Variants in FRMPD3 observed in about 807,000 individuals in gnomAD.
The protein encoded by FRMPD3 is FERM and PDZ domain containing 3.
A neutral mutation model predicts 97.9 loss-of-function variants in FRMPD3; 42 were observed. The observed-to-expected ratio is 0.43, with a 90% CI of 0.34 to 0.55. FRMPD3 has a LOEUF of 0.55. Ranked by LOEUF, FRMPD3 falls within the 20% of genes least tolerant of loss-of-function variation. The pLI, the probability that FRMPD3 is intolerant of heterozygous loss-of-function variation, is 0.03. For missense variants in FRMPD3, 1,303 were observed against 1,457.7 expected (o/e 0.89, Z 1.73); for synonymous variants, 577 against 581.1 (o/e 0.99, Z 0.10).
intron 1 of FRMPD3, among the ~76,000 whole-genome samples, chrX:107,522,141 G>A (rs995186453): frequency 1.8e-5 from 2 of 111,150 alleles, no homozygotes; most frequent in Admixed American, 9.6e-5. Flanking sequence ...AGTACGTTGC[G>A]GGGCTGTCTC....
chrX:107,540,960 T>G (rs372487210), intron 4 of FRMPD3, among the ~76,000 whole-genome samples: 1 of 112,763 alleles, frequency 8.9e-6, no homozygotes, highest in Admixed American at 9.4e-5. Flanking sequence ...GTTGGCAAAC[T>G]GTTTCTCTGA....
rs151039149 is a variant in FRMPD3 at position 107,498,581 on chromosome X, A to T, written c.-7-28001A>T. On this transcript the variant is annotated intron_variant, in intron 1 of 14. Transcript: ENST00000683843. ...TCCCAATGCTGGAAATCCCCTTCAGATAGAGGCATTGGAGATCCAGATATT... is the reference window on the plus strand; with the variant it reads ...TCCCAATGCTGGAAATCCCCTTCAGTTAGAGGCATTGGAGATCCAGATATT... 3.6e-5 allele frequency among the ~76,000 whole-genome samples: 4 copies of T among 111,976 alleles called. No individual in the cohort carries two copies. The East Asian group carries it at 8.4e-4, about 23-fold the overall frequency.
At chrX:107,480,613 T>G (rs1339956960) in intron 1 of FRMPD3, among the ~76,000 whole-genome samples, 1 of 109,010 alleles carries the variant, frequency 9.2e-6, no homozygotes, top group Non-Finnish European at 1.9e-5. Context: ...GTGGATCACC[T>G]GAGGTCAGGA....
intron 1 of FRMPD3, among the ~76,000 whole-genome samples, chrX:107,514,830 A>G (rs763003801): frequency 7.8e-4 from 87 of 110,884 alleles, no homozygotes; most frequent in Non-Finnish European, 1.5e-3. Context: ...CCGGTCTTGG[A>G]TGGGTTTTTA....
intron 1 of FRMPD3, among the ~76,000 whole-genome samples, chrX:107,520,840 G>A (rs929245060): frequency 1.8e-5 from 2 of 112,134 alleles, no homozygotes; most frequent in African/African-American, 6.5e-5. Flanking sequence ...TTCCTTATCT[G>A]TAAAATGGAC....
At chrX:107,555,902 C>T (rs1922058992) in intron 8 of FRMPD3, among the ~76,000 whole-genome samples, 1 of 111,106 alleles carries the variant, frequency 9.0e-6, no homozygotes, top group Non-Finnish European at 1.9e-5. Flanking sequence ...AGAACCAGGG[C>T]CATGATGAAG....
intron 4 of FRMPD3, among the ~76,000 whole-genome samples, chrX:107,543,846 A>T (rs988249665): frequency 1.6e-4 from 18 of 109,905 alleles, no homozygotes; most frequent in East Asian, 2.8e-4. Context: ...TTAAAAATAT[A>T]ACCCGCACAA....
At chrX:107,509,375 CT>C (rs1373244316) in intron 1 of FRMPD3, among the ~76,000 whole-genome samples, 3 of 111,149 alleles carry the variant, frequency 2.7e-5, no homozygotes, top group African/African-American at 6.6e-5. Context: ...CCATGTGTAG[CT>C]TTGGGGTGGT....
intron 1 of FRMPD3, among the ~76,000 whole-genome samples, chrX:107,477,831 T>A (rs1313249827): frequency 8.9e-6 from 1 of 111,743 alleles, no homozygotes; most frequent in East Asian, 2.8e-4. Context: ...CTAGGATGTG[T>A]CTGGGCCTTG....
At chrX:107,487,290 A>G (rs1406703871) in intron 1 of FRMPD3, among the ~76,000 whole-genome samples, 1 of 111,004 alleles carries the variant, frequency 9.0e-6, no homozygotes, top group Non-Finnish European at 1.9e-5. Context: ...TAATTATCAA[A>G]AAGAAATGGG....
chrX:107,552,907 A>C lies in FRMPD3; in HGVS notation c.623A>C (p.Asp208Ala). 1 of 1,208,635 alleles carries C rather than the reference A, an allele frequency of 8.3e-7. No individual in the cohort carries two copies. The highest frequency in any genetic ancestry group is 1.1e-6 in the Non-Finnish European group (1 of 894,324). Reference protein sequence around the residue: ...EQNHKFLLLQDKQPLAYVVQR... With the variant: ...EQNHKFLLLQAKQPLAYVVQR... ...AATCACAAGTTTCTGCTTCTTCAGGACAAGCAACCCCTGGCTTATGTAAGT... is the reference window on the plus strand; with the variant it reads ...AATCACAAGTTTCTGCTTCTTCAGGCCAAGCAACCCCTGGCTTATGTAAGT... The change falls in exon 7 of 15, where the codon GAC becomes GCC. Residue 208 changes from aspartate (D) to alanine (A), a missense_variant. Asp to Ala is a moderately radical substitution (Grantham distance 126). This residue lies in a region of FRMPD3 where 535 missense variants were observed against 618.6 expected (regional missense o/e 0.86). Coordinates refer to ENST00000683843, the MANE Select transcript of FRMPD3 (RefSeq NM_001388459.1).
chrX:107,593,825 T>A (rs1924026311), intron 13 of FRMPD3, among the ~76,000 whole-genome samples: 1 of 112,268 alleles, frequency 8.9e-6, no homozygotes, highest in African/African-American at 3.2e-5. Context: ...CCTCCAGATT[T>A]GTTCTTTTGC....
At chrX:107,507,338 T>C (rs1024350656) in intron 1 of FRMPD3, among the ~76,000 whole-genome samples, 1 of 106,865 alleles carries the variant, frequency 9.4e-6, no homozygotes, top group African/African-American at 3.4e-5. Context: ...GTTGGAAAAG[T>C]GGCGGCGCGA....
At chrX:107,500,805 CA>C (rs768889360) in intron 1 of FRMPD3, among the ~76,000 whole-genome samples, 2,129 of 34,447 alleles carry the variant, frequency 0.062, 25 homozygotes, top group African/African-American at 0.11. Flanking sequence ...AAGACTCTGT[CA>C]AAAAAAAAAA....
chrX:107,584,655 T>C, intron 13 of FRMPD3, among the ~76,000 whole-genome samples: 1 of 112,489 alleles, frequency 8.9e-6, no homozygotes, highest in East Asian at 2.8e-4. Context: ...TTCAGTTTTC[T>C]GCATATGGCT....
chrX:107,462,439 C>G (rs1569408803), intron 1 of FRMPD3, among the ~76,000 whole-genome samples: 1 of 112,059 alleles, frequency 8.9e-6, no homozygotes, highest in Non-Finnish European at 1.9e-5. Flanking sequence ...TCCGCACCCT[C>G]CACCATGGCC....
chrX:107,601,962 G>A lies in FRMPD3; in HGVS notation c.3923G>A (p.Gly1308Asp), dbSNP rs760995593. Residue 1308 changes from glycine (G) to aspartate (D), a missense_variant, in exon 15 of 15, where the codon GGC becomes GAC. Coordinates refer to ENST00000683843, the MANE Select transcript of FRMPD3 (RefSeq NM_001388459.1). ...GACTGCAAGCGCATCTGCCGGGGGG[G>A]CCGGCCACAAGCCACCCAGACACCA... ...SCDCKRICRG[G>D]RPQATQTPVP... 4.3e-6 allele frequency: 5 copies of A among 1,170,890 alleles called. No homozygotes were observed. Among genetic ancestry groups the A allele is most frequent in the Non-Finnish European group, 5.7e-6 (5 of 877,139 alleles).
At chrX:107,593,250 T>C (rs1047228796) in intron 13 of FRMPD3, among the ~76,000 whole-genome samples, 1 of 111,976 alleles carries the variant, frequency 8.9e-6, no homozygotes, top group African/African-American at 3.2e-5. Flanking sequence ...TGTTTGTTTT[T>C]TTCTTGCTGA....
chrX:107,469,379 AC>A (rs1290498321), intron 1 of FRMPD3, among the ~76,000 whole-genome samples: 2 of 111,315 alleles, frequency 1.8e-5, no homozygotes, highest in Non-Finnish European at 1.9e-5. Context: ...ATCTCATGAG[AC>A]CCATTCACTA....
Sources: gnomAD v4.1 joint callset for allele counts (sites outside exome capture counted in the v4.1 genomes callset) on GRCh38, gnomAD v4.1.1 for gene constraint, gnomAD v4.1.1 regional missense constraint, MANE v1.5 for transcripts, NCBI Gene and HGNC (gene_info 2026-07-23, HGNC 2026-07-21) for gene names.